ELP4: variants seen among roughly 807,000 people sequenced by gnomAD.
ELP4 encodes elongator acetyltransferase complex subunit 4, also known as elongator complex protein 4.
In ELP4, 51 loss-of-function variants were observed where a neutral mutation model predicts 48.9. That is an observed-to-expected ratio of 1.04 (90% confidence interval 0.83 to 1.32). The LOEUF is 1.32. ELP4 is among the 40% of genes most tolerant of loss of function. ELP4 has a pLI of 0.00. For missense variants in ELP4, 519 were observed against 514.6 expected (o/e 1.01, Z -0.08); for synonymous variants, 210 against 189.2 (o/e 1.11, Z -0.90).
intron 9 of ELP4, among the ~76,000 whole-genome samples, chr11:31,666,614 C>T (rs972647401): frequency 1.3e-5 from 2 of 150,994 alleles, no homozygotes; most frequent in Non-Finnish European, 2.9e-5. Flanking sequence ...ATCACTTGAA[C>T]CCGGGAGGCG....
chr11:31,537,859 A>G (rs959769199), intron 2 of ELP4, among the ~76,000 whole-genome samples: 2 of 152,142 alleles, frequency 1.3e-5, no homozygotes, highest in Non-Finnish European at 2.9e-5. Flanking sequence ...CCTGTATTCT[A>G]TGACCTTGGA....
At chr11:31,636,557 A>G (rs1373908794) in intron 7 of ELP4, among the ~76,000 whole-genome samples, 1 of 151,984 alleles carries the variant, frequency 6.6e-6, no homozygotes, top group East Asian at 1.9e-4. Context: ...TGTAGGGGAA[A>G]GAACACATAG....
Position 31,699,947 on chromosome 11 carries a change from G to A in ELP4, c.1143+49726G>A, listed in dbSNP as rs185726671. On this transcript the variant is annotated intron_variant, in intron 9 of 9. Transcript: ENST00000640961. Reference sequence around the variant, plus strand: ...AAAATGTCAAGAACATGAAAGACCTGGAGAGACTGAGAATATGGGAGGAGA... The same window carrying A: ...AAAATGTCAAGAACATGAAAGACCTAGAGAGACTGAGAATATGGGAGGAGA... Among the ~76,000 whole-genome samples the A allele has an allele frequency of 5.8e-4, 88 of 152,238 alleles. No individual in the cohort carries two copies. In the Middle Eastern group the frequency reaches 0.01, roughly 18 times the overall value.
At chr11:31,769,785 CT>C (rs1427420748) in intron 9 of ELP4, among the ~76,000 whole-genome samples, 1 of 151,842 alleles carries the variant, frequency 6.6e-6, no homozygotes, top group African/African-American at 2.4e-5. Flanking sequence ...ATATAATATA[CT>C]TTTAAAAAAA....
intron 9 of ELP4, among the ~76,000 whole-genome samples, chr11:31,674,985 C>T (rs1241150436): frequency 2.0e-5 from 3 of 151,982 alleles, no homozygotes; most frequent in African/African-American, 7.2e-5. Context: ...CATGTTTGTA[C>T]ACAACGTGGC....
chr11:31,548,260 C>T (rs193076866), intron 3 of ELP4, among the ~76,000 whole-genome samples: 22 of 152,284 alleles, frequency 1.4e-4, no homozygotes, highest in Admixed American at 1.2e-3. Context: ...CCAAAATCTC[C>T]TTAGCGGATA....
chr11:31,672,017 A>T (rs1945819403), intron 9 of ELP4, among the ~76,000 whole-genome samples: 1 of 151,456 alleles, frequency 6.6e-6, no homozygotes, highest in African/African-American at 2.4e-5. Flanking sequence ...CTTAGTGTTC[A>T]TTTTTGTTTT....
intron 3 of ELP4, among the ~76,000 whole-genome samples, chr11:31,591,646 A>G (rs1957578536): frequency 6.6e-6 from 1 of 152,292 alleles, no homozygotes; most frequent in South Asian, 2.1e-4. Context: ...GAACCCACGT[A>G]CATTGTTGGT....
intron 1 of ELP4, among the ~76,000 whole-genome samples, chr11:31,519,611 G>A (rs1956178737): frequency 6.6e-6 from 1 of 152,154 alleles, no homozygotes; most frequent in Non-Finnish European, 1.5e-5. Flanking sequence ...GATCACGTGA[G>A]GTCAGGAGTT....
rs1171009926 is a variant in ELP4, at chr11:31,790,097, CAA to C, written c.*6595_*6596del. 125 of 145,024 alleles carry C rather than the reference CAA, an allele frequency of 8.6e-4. No homozygotes were observed. Among genetic ancestry groups the C allele is most frequent in the Non-Finnish European group, 1.0e-3 (81 of 80,470 alleles). 9.0% of individuals were successfully genotyped at this position (145,024 alleles called of 1,614,324 possible). A position where few individuals can be genotyped will look rare whatever the true frequency, so the allele number is the denominator to read the frequency against. On this transcript the variant is annotated 3_prime_UTR_variant, in exon 10 of 10. Transcript: ENST00000640961. ...CATGGAATACAAATTTATAGGTTTA[CAA>C]AAAAAAAAAAAAAAAAAAAAACTAA...
intron 9 of ELP4, among the ~76,000 whole-genome samples, chr11:31,733,917 A>T (rs1243354128): frequency 6.6e-6 from 1 of 152,228 alleles, no homozygotes; most frequent in African/African-American, 2.4e-5. Flanking sequence ...CCACAAGAAA[A>T]TAAAACTGTA....
chr11:31,689,636 C>T (rs1022668424), intron 9 of ELP4, among the ~76,000 whole-genome samples: 1 of 151,998 alleles, frequency 6.6e-6, no homozygotes, highest in African/African-American at 2.4e-5. Flanking sequence ...GATAGGAAGT[C>T]TGTGGCCACT....
intron 9 of ELP4, among the ~76,000 whole-genome samples, chr11:31,758,805 C>T (rs964997350): frequency 6.6e-6 from 1 of 151,856 alleles, no homozygotes; most frequent in East Asian, 1.9e-4. Flanking sequence ...TAAGCTGAGA[C>T]TACAAGTGCA....
At chr11:31,658,361 TTATA>T (rs10534524) in intron 9 of ELP4, among the ~76,000 whole-genome samples, 19 of 149,962 alleles carry the variant, frequency 1.3e-4, no homozygotes, top group African/African-American at 4.4e-4. Flanking sequence ...TGATGTTATT[TTATA>T]TATATATATA....
Position 31,533,368 on chromosome 11 carries a change from CTTTTTTTTTTTTTTTT to C in ELP4, c.260-6282_260-6267del, listed in dbSNP as rs71060492. ...GTGTTGCTGCAAAAGCCATCTCATT[CTTTTTTTTTTTTTTTT>C]TTTTTTTTTTTGTGACAGAGTCTCG... On this transcript the variant is annotated intron_variant, in intron 2 of 9. Coordinates refer to ENST00000640961, the MANE Select transcript of ELP4 (RefSeq NM_019040.5). 5.9e-5 allele frequency among the ~76,000 whole-genome samples: 3 copies of C among 50,460 alleles called. 1 individual carries two copies. Among genetic ancestry groups the C allele is most frequent in the East Asian group, 1.4e-3 (2 of 1,384 alleles). 33.1% of individuals were successfully genotyped at this position (50,460 alleles called of 152,430 possible).
chr11:31,629,818 T>G (rs1269567917), intron 6 of ELP4, among the ~76,000 whole-genome samples: 2 of 151,602 alleles, frequency 1.3e-5, no homozygotes, highest in South Asian at 2.1e-4. Flanking sequence ...GCTCTTTCTG[T>G]TGGGAATCTA....
chr11:31,650,141 C>T lies in ELP4; in HGVS notation c.1063C>T (p.Arg355Trp), dbSNP rs769536149. ...ATTGATTCATATACGGCAGATTCCT[C>T]GGCTTAATAACTTGATCTGTGATGA... ...HGLIHIRQIPRLNNLICDESD... is the reference protein window; with the variant it reads ...HGLIHIRQIPWLNNLICDESD... The change falls in exon 9 of 10, where the codon CGG becomes TGG. Residue 355 changes from arginine to tryptophan, a missense_variant. Coordinates refer to ENST00000640961, the MANE Select transcript of ELP4 (RefSeq NM_019040.5). 16 of 1,521,080 alleles carry T rather than the reference C, an allele frequency of 1.1e-5. No homozygotes were observed. In the Admixed American group the frequency reaches 1.4e-4, roughly 13 times the overall value. 94.2% of individuals were successfully genotyped at this position (1,521,080 alleles called of 1,614,324 possible). A position where few individuals can be genotyped will look rare whatever the true frequency, so the allele number is the denominator to read the frequency against.
chr11:31,744,295 C>T (rs1383859536), intron 9 of ELP4, among the ~76,000 whole-genome samples: 1 of 152,146 alleles, frequency 6.6e-6, no homozygotes, highest in Admixed American at 6.5e-5. Context: ...GGATTCACAG[C>T]CGAATTCTAC....
At chr11:31,714,006 G>A (rs1946792563) in intron 9 of ELP4, among the ~76,000 whole-genome samples, 1 of 152,102 alleles carries the variant, frequency 6.6e-6, no homozygotes, top group Non-Finnish European at 1.5e-5. Flanking sequence ...GGACAGAGAA[G>A]AGAAAGAATG....
Sources: allele counts gnomAD v4.1 joint callset (sites outside exome capture counted in the v4.1 genomes callset), GRCh38; gene constraint gnomAD v4.1.1; transcripts MANE v1.5; gene names NCBI Gene and HGNC (gene_info 2026-07-23, HGNC 2026-07-21).